Variants in MPP3 observed in about 807,000 individuals in gnomAD.
The protein encoded by MPP3 is MAGUK p55 scaffold protein 3, also known as MAGUK p55 subfamily member 3.
Under a neutral mutation model 80.7 loss-of-function variants are expected in MPP3, and 48 were observed. That is an observed-to-expected ratio of 0.59 (90% confidence interval 0.47 to 0.76). MPP3 has a LOEUF of 0.76. MPP3 is among the 30% of genes least tolerant of loss of function. MPP3 has a pLI of 0.00. For synonymous variants in MPP3, 311 were observed against 297.6 expected, an observed-to-expected ratio of 1.04 and a Z score of -0.46; for missense variants, 620 against 763.0, an observed-to-expected ratio of 0.81 and a Z score of 2.21.
intron 6 of MPP3, 82 bp downstream of exon 6, chr17:43,829,945 C>A: frequency 6.4e-7 from 1 of 1,557,188 alleles, no homozygotes; most frequent in Non-Finnish European, 8.8e-7. Flanking sequence ...GTCTCCACTC[C>A]TCAGCCTCAT....
intron 10 of MPP3, among the ~76,000 whole-genome samples, chr17:43,822,272 G>A (rs191665741): frequency 5.9e-5 from 9 of 152,192 alleles, no homozygotes; most frequent in Non-Finnish European, 1.2e-4. Flanking sequence ...CATTGAAGAC[G>A]TAGTCCATTA....
intron 18 of MPP3, 41 bp from the exon 19 acceptor site, chr17:43,809,119 G>A (rs1462422671): frequency 8.4e-6 from 13 of 1,544,744 alleles, no homozygotes; most frequent in Admixed American, 2.2e-5. Context: ...CTTTTGAAGT[G>A]TTTTGTTGTG....
At chr17:43,828,829 G>A (rs189394281) in intron 7 of MPP3, among the ~76,000 whole-genome samples, 106 of 152,272 alleles carry the variant, frequency 7.0e-4, no homozygotes, top group African/African-American at 2.4e-3. Context: ...GCTCTGAACC[G>A]CCAGCACCCA....
Position 43,809,028 on chromosome 17 carries a change from T to C in MPP3, c.1509A>G (p.Val503=), listed in dbSNP as rs901602780. Reference sequence around the variant, plus strand: ...TTCTTTTTTCCTGAATTGCAGGCTTTACAAATATAATATAGGGTTTAAATT... The same window carrying C: ...TTCTTTTTTCCTGAATTGCAGGCTTCACAAATATAATATAGGGTTTAAATT... ...TSEFKPYIIF[V]KPAIQEKRKT... Residue 503 remains valine (V), a synonymous_variant, in exon 19 of 20, where the codon GTA becomes GTG. Coordinates refer to ENST00000398389, the MANE Select transcript of MPP3 (RefSeq NM_001932.6). 2.0e-5 allele frequency: 33 copies of C among 1,610,478 alleles called. No individual in the cohort carries two copies. Among genetic ancestry groups the C allele is most frequent in the Admixed American group, 8.5e-5 (5 of 59,020 alleles).
chr17:43,815,978 T>C, intron 14 of MPP3, 60 bp downstream of exon 14: 1 of 1,424,186 alleles, frequency 7.0e-7, no homozygotes, highest in East Asian at 2.7e-5. Context: ...GACCTCTCCC[T>C]AACTCTGGGG....
chr17:43,830,025 A>G lies in MPP3; in HGVS notation c.303+2T>C. ...GGCTGGGCAGGGGCTCTGTGTGACT[A>G]CCCTCAGGTGCGGGGTGGACAGCAG... On this transcript the variant is annotated splice_donor_variant, in intron 6 of 19. Coordinates refer to ENST00000398389, the MANE Select transcript of MPP3 (RefSeq NM_001932.6). LOFTEE classifies it high-confidence loss of function. 1 of 1,604,010 alleles carries G rather than the reference A, an allele frequency of 6.2e-7. No individual in the cohort carries two copies. The highest frequency in any genetic ancestry group is 1.1e-5 in the South Asian group (1 of 89,566).
intron 8 of MPP3, among the ~76,000 whole-genome samples, chr17:43,827,010 C>CTTTTTCTT (rs1045586865): frequency 1.5e-5 from 2 of 133,094 alleles, no homozygotes; most frequent in Non-Finnish European, 3.1e-5. Flanking sequence ...CCTATATTTT[C>CTTTTTCTT]TTTTTCTTTT....
At chr17:43,815,731 T>C (rs1387753956) in intron 14 of MPP3, 2 of 596,984 alleles carry the variant, frequency 3.4e-6, no homozygotes, top group Non-Finnish European at 6.2e-6. Flanking sequence ...GGTAGTGGTG[T>C]TAATATTGAA....
chr17:43,808,348 C>A (rs1268481616), intron 19 of MPP3, among the ~76,000 whole-genome samples: 1 of 152,084 alleles, frequency 6.6e-6, no homozygotes, highest in Non-Finnish European at 1.5e-5. Flanking sequence ...TGTTAAGAAC[C>A]AAAAAAGATG....
Position 43,823,965 on chromosome 17 carries a change from G to T in MPP3, c.650C>A (p.Ala217Asp). Reference sequence around the variant, plus strand: ...CTTTAAGCGATCTTCCTCCTGGGTGGCTGGGATGATTTTTAGGGTGATGGA... The same window carrying T: ...CTTTAAGCGATCTTCCTCCTGGGTGTCTGGGATGATTTTTAGGGTGATGGA... ...QGSITLKIIP[A>D]TQEEDRLKES... The change falls in exon 10 of 20, where the codon GCC becomes GAC. Residue 217 changes from alanine (A) to aspartate (D), a missense_variant. By Grantham distance (126) the Ala-to-Asp change is moderately radical (BLOSUM62 -2). Transcript: ENST00000398389. 1 of 1,609,544 alleles carries T rather than the reference G, an allele frequency of 6.2e-7. No individual in the cohort carries two copies. Among genetic ancestry groups the T allele is most frequent in the Non-Finnish European group, 8.5e-7 (1 of 1,178,202 alleles).
chr17:43,811,392 A>C, intron 16 of MPP3, 187 bp from the exon 17 acceptor site: 1 of 589,446 alleles, frequency 1.7e-6, no homozygotes, highest in Non-Finnish European at 3.0e-6. Context: ...GATTCACACA[A>C]CAACTCTTTG....
At chr17:43,831,148 T>A in intron 5 of MPP3, 96 bp downstream of exon 5, 1 of 1,136,820 alleles carries the variant, frequency 8.8e-7, no homozygotes, top group Non-Finnish European at 1.3e-6. Flanking sequence ...GGCTCCTGAT[T>A]CCCGGTGTCC....
At chr17:43,819,069 A>G (rs971654086) in intron 11 of MPP3, 6 of 152,228 alleles carry the variant, frequency 3.9e-5, no homozygotes, top group Admixed American at 2.0e-4. Flanking sequence ...AGACTTCGGC[A>G]TCTCAGAATC....
Position 43,814,063 on chromosome 17 carries a change from C to T in MPP3, c.1203G>A (p.Leu401=). 1.9e-6 allele frequency: 3 copies of T among 1,613,512 alleles called. No individual in the cohort carries two copies. The highest frequency in any genetic ancestry group is 1.7e-5 in the Admixed American group (1 of 59,976). The change falls in exon 16 of 20, where the codon CTG becomes CTA. Residue 401 remains leucine, a synonymous_variant. Transcript: ENST00000398389. ...IGSLGARLHE[L]KQKVVAENPQ... The stretch of plus-strand genomic sequence containing the variant: ...GGTTCTCAGCCACCACCTTTTGCTT[C>T]AGCTCGTGCAGTCGGGCTCCCAGAG...
intron 18 of MPP3, 49 bp from the exon 19 acceptor site, chr17:43,809,127 G>A (rs1391483768): frequency 2.0e-6 from 3 of 1,532,790 alleles, no homozygotes; most frequent in South Asian, 1.3e-5. Context: ...GTGTTTTGTT[G>A]TGAAATAGAC....
chr17:43,803,973 T>C (rs1772101789), intron 19 of MPP3, among the ~76,000 whole-genome samples: 1 of 152,130 alleles, frequency 6.6e-6, no homozygotes, highest in African/African-American at 2.4e-5. Context: ...GGAAGGACAC[T>C]GGGAATAGAA....
At chr17:43,831,414 C>G in intron 4 of MPP3, 93 bp from the exon 5 acceptor site, 1 of 1,420,790 alleles carries the variant, frequency 7.0e-7, no homozygotes, top group Non-Finnish European at 9.9e-7. Context: ...GGGCCACTGA[C>G]AGGGCACCAT....
chr17:43,820,605 T>TACTCACACAC (rs2045397067), intron 11 of MPP3, among the ~76,000 whole-genome samples: 1 of 125,250 alleles, frequency 8.0e-6, no homozygotes, highest in African/African-American at 2.9e-5. Flanking sequence ...AAAAAAAAAA[T>TACTCACACAC]ACACACACAC....
intron 7 of MPP3, among the ~76,000 whole-genome samples, chr17:43,828,560 G>T (rs145264980): frequency 1.3e-3 from 200 of 152,366 alleles, no homozygotes; most frequent in African/African-American, 4.5e-3. Flanking sequence ...ATGTGGGACA[G>T]CATTTAACTC....
Sources: allele counts gnomAD v4.1 joint callset (sites outside exome capture counted in the v4.1 genomes callset), GRCh38; gene constraint gnomAD v4.1.1; transcripts MANE v1.5; gene names NCBI Gene and HGNC (gene_info 2026-07-23, HGNC 2026-07-21).